Variants in EFR3A observed in about 807,000 individuals in gnomAD.
EFR3A encodes EFR3 homolog A.
A neutral mutation model predicts 104.4 loss-of-function variants in EFR3A; 76 were observed. That is an observed-to-expected ratio of 0.73 (90% CI 0.60 to 0.88). The LOEUF is 0.88. Among genes scored for constraint, EFR3A ranks in the 40% least tolerant of loss-of-function variants. The pLI, the probability that EFR3A is intolerant of heterozygous loss-of-function variation, is 0.00. For synonymous variants in EFR3A, 330 were observed against 330.0 expected, an observed-to-expected ratio of 1.00 and a Z score of 0.00; for missense variants, 985 against 1,012.5, an observed-to-expected ratio of 0.97 and a Z score of 0.37.
chr8:131,987,680 TC>T lies in EFR3A; in HGVS notation c.2045del (p.Pro682ArgfsTer6). 1.3e-6 allele frequency: 2 copies of T among 1,595,600 alleles called. No individual in the cohort carries two copies. Among genetic ancestry groups the T allele is most frequent in the Non-Finnish European group, 1.7e-6 (2 of 1,170,116 alleles). ...GATATAGTGTTGAGAGATTGTCAGT[TC>T]CGTATGTACCACAAGTAACAGGTAA... ...SGYSVERLSVPYVPQVTDEDR... is the reference protein window; with the variant it reads ...SGYSVERLSVXYVPQVTDEDR... On this transcript the variant is annotated frameshift_variant, in exon 18 of 23. Coordinates refer to ENST00000254624, the MANE Select transcript of EFR3A (RefSeq NM_015137.6). LOFTEE classifies it high-confidence loss of function.
intron 14 of EFR3A, among the ~76,000 whole-genome samples, chr8:131,982,331 C>G (rs2130745754): frequency 6.6e-6 from 1 of 152,114 alleles, no homozygotes; most frequent in South Asian, 2.1e-4. Flanking sequence ...TAAAATTCAT[C>G]TGCGTGTGGC....
chr8:131,976,649 T>C (rs1007994421), intron 11 of EFR3A, among the ~76,000 whole-genome samples: 3 of 152,118 alleles, frequency 2.0e-5, no homozygotes, highest in African/African-American at 7.2e-5. Context: ...TTGACCATAA[T>C]TTGTTATTTT....
intron 16 of EFR3A, among the ~76,000 whole-genome samples, chr8:131,985,838 T>C (rs922729470): frequency 6.6e-5 from 10 of 152,202 alleles, no homozygotes; most frequent in African/African-American, 2.4e-4. Context: ...CAAAAGGTAA[T>C]GCAGCAGGTG....
intron 1 of EFR3A, among the ~76,000 whole-genome samples, chr8:131,906,075 A>G (rs1372213235): frequency 6.6e-6 from 1 of 152,234 alleles, no homozygotes; most frequent in Non-Finnish European, 1.5e-5. Context: ...TTGTCATGGT[A>G]CATTTTTTAT....
intron 2 of EFR3A, among the ~76,000 whole-genome samples, chr8:131,943,550 G>A (rs1818268375): frequency 1.3e-5 from 2 of 152,010 alleles, no homozygotes; most frequent in African/African-American, 4.8e-5. Flanking sequence ...TCCTAGACAG[G>A]AAAACTAGAT....
chr8:131,970,706 A>C, intron 10 of EFR3A, 63 bp downstream of exon 10: 1 of 1,482,794 alleles, frequency 6.7e-7, no homozygotes, highest in South Asian at 1.2e-5. Flanking sequence ...CTCTCACATA[A>C]GGTCCTGGAC....
At chr8:131,910,376 A>G (rs1474525688) in intron 1 of EFR3A, among the ~76,000 whole-genome samples, 1 of 152,224 alleles carries the variant, frequency 6.6e-6, no homozygotes, top group Admixed American at 6.5e-5. Context: ...GACTCAAGCT[A>G]TTCTCCTGCC....
chr8:132,010,800 A>G lies in EFR3A; in HGVS notation c.2371A>G (p.Ser791Gly), dbSNP rs1165619286. 1.2e-6 allele frequency: 2 copies of G among 1,612,230 alleles called. No homozygotes were observed. ...ILELTIRPPP[S>G]PSGTLTITSG... ...TTTGTTCTTTTATAGTCCTCCTCCC[A>G]GTCCATCAGGAACACTGACCATTAC... Residue 791 changes from serine to glycine, a missense_variant, in exon 23 of 23, where the codon AGT becomes GGT. By Grantham distance (56) the Ser-to-Gly change is moderately conservative (BLOSUM62 0). Coordinates refer to ENST00000254624, the MANE Select transcript of EFR3A (RefSeq NM_015137.6).
At chr8:131,924,107 A>T in intron 1 of EFR3A, 1 of 444,456 alleles carries the variant, frequency 2.2e-6, no homozygotes, top group South Asian at 1.6e-5. Context: ...ATGAATGCTT[A>T]TTAGATTGTT....
Position 131,947,826 on chromosome 8 carries a change from G to A in EFR3A, c.366+1193G>A, listed in dbSNP as rs118091869. On this transcript the variant is annotated intron_variant, in intron 4 of 22. Coordinates refer to ENST00000254624, the MANE Select transcript of EFR3A (RefSeq NM_015137.6). ...TATTCTTTCCCTTTGAATGGTCTTG[G>A]CAGTCTTTTAAAAATAAATTTACCA... Among the ~76,000 whole-genome samples the A allele has an allele frequency of 9.7e-3, 1,471 of 152,054 alleles. 5 individuals are homozygous for A. The highest frequency in any genetic ancestry group is 0.016 in the Non-Finnish European group (1,106 of 67,934).
chr8:132,004,415 A>G (rs1289294083), intron 22 of EFR3A, among the ~76,000 whole-genome samples: 1 of 152,182 alleles, frequency 6.6e-6, no homozygotes, highest in Non-Finnish European at 1.5e-5. Flanking sequence ...CCTATTGTGA[A>G]CTGCTCATGC....
Position 131,984,126 on chromosome 8 carries a change from C to A in EFR3A, c.1576-13C>A. Reference sequence around the variant, plus strand: ...AAGCAAAATTACCTTTGTCCTCTGTCTTTTCTCCTCAGAATGGGCAACAGC... The same window carrying A: ...AAGCAAAATTACCTTTGTCCTCTGTATTTTCTCCTCAGAATGGGCAACAGC... On this transcript the variant is annotated splice_polypyrimidine_tract_variant and intron_variant, in intron 14 of 22. Coordinates refer to ENST00000254624, the MANE Select transcript of EFR3A (RefSeq NM_015137.6). 1 of 1,586,730 alleles carries A rather than the reference C, an allele frequency of 6.3e-7. No homozygotes were observed. Among genetic ancestry groups the A allele is most frequent in the South Asian group, 1.2e-5 (1 of 84,832 alleles).
At chr8:132,004,152 C>T (rs1448485085) in intron 22 of EFR3A, among the ~76,000 whole-genome samples, 2 of 152,146 alleles carry the variant, frequency 1.3e-5, no homozygotes, top group Non-Finnish European at 2.9e-5. Flanking sequence ...CATTTCCCTC[C>T]CATTCCTGCT....
chr8:131,944,702 C>T lies in EFR3A; in HGVS notation c.88-43C>T, dbSNP rs563434419. On this transcript the variant is annotated intron_variant, in intron 2 of 22. Transcript: ENST00000254624. ...AGGCAACACTTAAAAATATAATAAG[C>T]ATGAAAATATAGATAATCTATTTAT... is the stretch of plus-strand genomic sequence containing the variant. The T allele has an allele frequency of 1.7e-5, 25 of 1,496,000 alleles. No homozygotes were observed. In the South Asian group the frequency reaches 3.0e-4, roughly 18 times the overall value. The allele number at this position is 1,496,000 out of a possible 1,614,324, so 92.7% of individuals were successfully genotyped here.
intron 1 of EFR3A, among the ~76,000 whole-genome samples, chr8:131,924,745 T>C (rs1286745608): frequency 2.6e-5 from 4 of 152,124 alleles, no homozygotes; most frequent in Non-Finnish European, 1.5e-5. Flanking sequence ...AGTCTTTTCA[T>C]CTTCTGGTCT....
chr8:131,944,792 A>G lies in EFR3A; in HGVS notation c.135A>G (p.Val45=). 6.2e-7 allele frequency: 1 copy of G among 1,608,268 alleles called. No homozygotes were observed. The highest frequency in any genetic ancestry group is 8.5e-7 in the Non-Finnish European group (1 of 1,177,138). Residue 45 remains valine, a synonymous_variant, in exon 3 of 23, where the codon GTA becomes GTG. Transcript: ENST00000254624. ...TDMEKLTFYA[V]SAPEKLDRIG... is the part of the protein sequence containing the mutation. ...TGGAGAAATTGACATTTTATGCAGT[A>G]TCTGCTCCAGAGAAACTGGATCGAA... is the stretch of plus-strand genomic sequence containing the variant.
At chr8:131,968,948 C>A (rs1586624247) in intron 9 of EFR3A, among the ~76,000 whole-genome samples, 1 of 152,128 alleles carries the variant, frequency 6.6e-6, no homozygotes, top group Non-Finnish European at 1.5e-5. Context: ...AGTTCTTCAG[C>A]TGATTAATAG....
At chr8:132,000,568 A>G (rs1398700065) in intron 19 of EFR3A, among the ~76,000 whole-genome samples, 3 of 152,224 alleles carry the variant, frequency 2.0e-5, no homozygotes, top group Non-Finnish European at 2.9e-5. Flanking sequence ...AGTAAAAATT[A>G]TATGTATCAA....
In EFR3A at chr8:131,940,759, C is replaced by T. The variant is rs186415278; in HGVS notation, c.87+184C>T. 2.7e-5 allele frequency: 28 copies of T among 1,036,844 alleles called. No homozygotes were observed. In the African/African-American group the frequency reaches 4.0e-4, roughly 15 times the overall value. 64.2% of individuals were successfully genotyped at this position (1,036,844 alleles called of 1,614,324 possible). A position where few individuals can be genotyped will look rare whatever the true frequency, so the allele number is the denominator to read the frequency against. On this transcript the variant is annotated intron_variant, in intron 2 of 22. Transcript: ENST00000254624. ...GACCCATGCTTGCTTGTCTAGTTTT[C>T]AGATCCTTTTAGTAGATTAGGCACA...
Sources: gnomAD v4.1 joint callset for allele counts (sites outside exome capture counted in the v4.1 genomes callset) on GRCh38, gnomAD v4.1.1 for gene constraint, MANE v1.5 for transcripts, NCBI Gene and HGNC (gene_info 2026-07-23, HGNC 2026-07-21) for gene names.